The following MTOR variants were observed in gnomAD, a reference collection of about 807,000 sequenced individuals.
MTOR encodes serine/threonine-protein kinase mTOR.
Under a neutral mutation model 319.8 loss-of-function variants are expected in MTOR, and 70 were observed. That is an observed-to-expected ratio of 0.22 (90% CI 0.18 to 0.27). The LOEUF (loss-of-function observed/expected upper bound fraction) is 0.27. Among genes scored for constraint, MTOR ranks in the 10% least tolerant of loss-of-function variants. MTOR has a pLI of 1.00. For missense variants in MTOR, 1,890 were observed against 3,274.4 expected (o/e 0.58, Z 10.32); for synonymous variants, 1,183 against 1,211.4 (o/e 0.98, Z 0.49).
chr1:11,228,428 A>T (rs974669036), intron 19 of MTOR, among the ~76,000 whole-genome samples: 2 of 152,040 alleles, frequency 1.3e-5, no homozygotes, highest in South Asian at 2.1e-4. Flanking sequence ...ACCTCAGGTG[A>T]TCTGCCCACT....
chr1:11,208,587 A>C (rs1043978261), intron 25 of MTOR, among the ~76,000 whole-genome samples: 1 of 152,258 alleles, frequency 6.6e-6, no homozygotes, highest in African/African-American at 2.4e-5. Context: ...CACCAGAAAC[A>C]TGAAAGACTA....
chr1:11,116,241 A>C (rs1027492062), intron 50 of MTOR, among the ~76,000 whole-genome samples: 1 of 152,216 alleles, frequency 6.6e-6, no homozygotes, highest in African/African-American at 2.4e-5. Context: ...CAATTACAGA[A>C]ATAAAATGAT....
intron 8 of MTOR, among the ~76,000 whole-genome samples, chr1:11,245,446 G>GA (rs1311102218): frequency 6.6e-5 from 10 of 152,320 alleles, no homozygotes; most frequent in Middle Eastern, 3.4e-3. Flanking sequence ...CATTTACTCT[G>GA]AGAAATGTTT....
chr1:11,222,463 C>A (rs924962557), intron 19 of MTOR, among the ~76,000 whole-genome samples: 1 of 152,152 alleles, frequency 6.6e-6, no homozygotes, highest in East Asian at 1.9e-4. Context: ...TCCCAAAGTG[C>A]TGGGATTACA....
In MTOR at chr1:11,108,237, C is replaced by T. The variant is rs1433711639; in HGVS notation, c.7578G>A (p.Glu2526=). Residue 2526 remains glutamate, a synonymous_variant, in exon 57 of 58, where the codon GAG becomes GAA. Coordinates refer to ENST00000361445, the MANE Select transcript of MTOR (RefSeq NM_004958.4). ...DDTLDVPTQV[E]LLIKQATSHE... is the part of the protein sequence containing the mutation. ...GGGATGTCGCTTGTTTGATGAGCAG[C>T]TCAACTTGCGTTGGAACATCCAAAG... 1 of 1,613,980 alleles carries T rather than the reference C, an allele frequency of 6.2e-7. No individual in the cohort carries two copies. The highest frequency in any genetic ancestry group is 1.1e-5 in the South Asian group (1 of 91,076).
chr1:11,216,088 T>C, intron 20 of MTOR, 60 bp downstream of exon 20: 2 of 1,238,786 alleles, frequency 1.6e-6, no homozygotes, highest in Non-Finnish European at 2.4e-6. Flanking sequence ...CATTCAAACT[T>C]GCTTCTGAGC....
rs1205309903 is a variant in MTOR at position 11,129,259 on chromosome 1, A to G, written c.5715-308T>C. Among the ~76,000 whole-genome samples, 2 of 152,216 alleles carry G rather than the reference A, an allele frequency of 1.3e-5. No individual in the cohort carries two copies. Among genetic ancestry groups the G allele is most frequent in the African/African-American group, 4.8e-5 (2 of 41,462 alleles). On this transcript the variant is annotated intron_variant, in intron 40 of 57. Coordinates refer to ENST00000361445, the MANE Select transcript of MTOR (RefSeq NM_004958.4). This position sits in a 1 kb window ranked among gnomAD's most constrained non-coding sequence, Gnocchi z 4.7. ...AGAAAGCCACAAGTCTGCACATGTA[A>G]GAGTCGCTGTACGGCAGAGGCAACA...
At chr1:11,256,830 TA>T in intron 4 of MTOR, 102 bp downstream of exon 4, 2 of 1,145,970 alleles carry the variant, frequency 1.7e-6, no homozygotes, top group Non-Finnish European at 2.5e-6. Flanking sequence ...CTAGCTCTTC[TA>T]ACCAGCTTTT....
At chr1:11,154,068 C>CA (rs70977548) in intron 30 of MTOR, among the ~76,000 whole-genome samples, 222 of 13,060 alleles carry the variant, frequency 0.017, 73 homozygotes, top group African/African-American at 0.029. Context: ...GACTCTGTCT[C>CA]AAAAAAAAAA....
rs527710547 is a variant in MTOR, at chr1:11,128,067, T to A, written c.5970A>T (p.Ala1990=). ...ACATGTTCTTCAGAATCTTGTTGGC[T>A]GCATTGTGCCGGGCTGTCGTGGTAG... ...SKSTTTARHN[A]ANKILKNMCE... Residue 1990 remains alanine, a synonymous_variant, in exon 43 of 58, where the codon GCA becomes GCT. Transcript: ENST00000361445. This position sits in a 1 kb window ranked among gnomAD's most constrained non-coding sequence, Gnocchi z 5.3. 2 of 1,614,222 alleles carry A rather than the reference T, an allele frequency of 1.2e-6. No individual in the cohort carries two copies. Among genetic ancestry groups the A allele is most frequent in the South Asian group, 2.2e-5 (2 of 91,078 alleles).
At chr1:11,151,317 A>G (rs574648990) in intron 30 of MTOR, among the ~76,000 whole-genome samples, 5 of 152,302 alleles carry the variant, frequency 3.3e-5, no homozygotes, top group African/African-American at 1.2e-4. Context: ...CAGGGACACA[A>G]GCACTCTGGC....
chr1:11,213,710 G>A (rs1646381729), intron 20 of MTOR, 144 bp from the exon 21 acceptor site: 2 of 734,890 alleles, frequency 2.7e-6, no homozygotes, highest in South Asian at 1.8e-5. Context: ...TCCTCCCACT[G>A]GGCCCTTCTT....
At chr1:11,136,943 G>A (rs981088072) in intron 36 of MTOR, among the ~76,000 whole-genome samples, 1 of 151,234 alleles carries the variant, frequency 6.6e-6, no homozygotes, top group Non-Finnish European at 1.5e-5. Flanking sequence ...CCAGGTTCAA[G>A]CGATTCTCCC....
chr1:11,122,145 C>G lies in MTOR; in HGVS notation c.6663-19G>C, dbSNP rs1367793701. 1.9e-6 allele frequency: 3 copies of G among 1,614,088 alleles called. No homozygotes were observed. Among genetic ancestry groups the G allele is most frequent in the African/African-American group, 1.3e-5 (1 of 75,044 alleles). On this transcript the variant is annotated intron_variant, in intron 47 of 57. Coordinates refer to ENST00000361445, the MANE Select transcript of MTOR (RefSeq NM_004958.4). ...CTGGATGCTGGCGCCCACAGAAAAG[C>G]AGGGTTAGTGTACCGTAAAGAGAGT...
At chr1:11,262,350 G>A (rs560705000) in intron 1 of MTOR, 95 bp downstream of exon 1, 5 of 152,540 alleles carry the variant, frequency 3.3e-5, no homozygotes, top group African/African-American at 9.6e-5. Flanking sequence ...CCACGTCCCA[G>A]ACGGGCGGCT....
rs1196795011 is a variant in MTOR, at chr1:11,106,647, C to T, written c.*838G>A. The T allele has an allele frequency of 3.6e-6, 4 of 1,102,928 alleles. No individual in the cohort carries two copies. Among genetic ancestry groups the T allele is most frequent in the African/African-American group, 1.6e-5 (1 of 62,188 alleles). 68.3% of individuals were successfully genotyped at this position (1,102,928 alleles called of 1,614,324 possible). ...TGCATTTAGTTGAGTATTTGTTCTG[C>T]TCATAATTTCCAATATGTACCAGAC... is the stretch of plus-strand genomic sequence containing the variant. On this transcript the variant is annotated 3_prime_UTR_variant, in exon 58 of 58. Coordinates refer to ENST00000361445, the MANE Select transcript of MTOR (RefSeq NM_004958.4).
intron 19 of MTOR, among the ~76,000 whole-genome samples, chr1:11,221,890 G>A (rs939633166): frequency 6.6e-6 from 1 of 150,554 alleles, no homozygotes; most frequent in Non-Finnish European, 1.5e-5. Flanking sequence ...TCACTTGACA[G>A]TCTTCTTTGA....
At chr1:11,192,262 T>C (rs1645568337) in intron 28 of MTOR, 3 of 1,606,194 alleles carry the variant, frequency 1.9e-6, no homozygotes, top group Non-Finnish European at 1.7e-6. Flanking sequence ...TGGTTTGTTC[T>C]CTTGTAGATG....
At chr1:11,180,781 GTTT>G (rs60096418) in intron 28 of MTOR, among the ~76,000 whole-genome samples, 1 of 142,106 alleles carries the variant, frequency 7.0e-6, no homozygotes. Context: ...AATAAGGCAG[GTTT>G]TTTTTTTTTT....
Sources: gnomAD v4.1 joint callset for allele counts (sites outside exome capture counted in the v4.1 genomes callset) on GRCh38, gnomAD v4.1.1 for gene constraint, Gnocchi (gnomAD v3.1) non-coding constraint, MANE v1.5 for transcripts, NCBI Gene and HGNC (gene_info 2026-07-23, HGNC 2026-07-21) for gene names.